TRAPPC9: variants seen among roughly 807,000 people sequenced by gnomAD.
The protein encoded by TRAPPC9 is trafficking protein particle complex subunit 9.
In TRAPPC9, 83 loss-of-function variants were observed where a neutral mutation model predicts 124.0. The observed-to-expected ratio is 0.67, with a 90% CI of 0.56 to 0.80. The LOEUF is 0.80. Among genes scored for constraint, TRAPPC9 ranks in the 30% least tolerant of loss-of-function variants. The probability of loss-of-function intolerance (pLI) is 0.00; values close to 1 mark genes in which losing one functional copy is unlikely to be tolerated. For missense variants in TRAPPC9, 1,302 were observed against 1,508.3 expected (o/e 0.86, Z 2.27); for synonymous variants, 638 against 617.5 (o/e 1.03, Z -0.49).
chr8:140,423,608 ACAT>A (rs1416373471), intron 5 of TRAPPC9, among the ~76,000 whole-genome samples: 8 of 151,596 alleles, frequency 5.3e-5, no homozygotes, highest in African/African-American at 1.9e-4. Flanking sequence ...ACACACACAC[ACAT>A]CACATATATA....
intron 4 of TRAPPC9, among the ~76,000 whole-genome samples, chr8:140,432,450 T>C (rs964757986): frequency 2.0e-5 from 3 of 152,206 alleles, no homozygotes; most frequent in Non-Finnish European, 4.4e-5. Context: ...CTCTCTTCAT[T>C]CTACAGGTAG....
At chr8:140,350,864 T>C (rs1329512194) in intron 9 of TRAPPC9, among the ~76,000 whole-genome samples, 1 of 151,940 alleles carries the variant, frequency 6.6e-6, no homozygotes, top group Admixed American at 6.6e-5. Flanking sequence ...CTGGGTTTTA[T>C]TACAGGAGCA....
At chr8:140,246,814 G>A (rs2063999253) in intron 16 of TRAPPC9, among the ~76,000 whole-genome samples, 1 of 152,076 alleles carries the variant, frequency 6.6e-6, no homozygotes, top group Admixed American at 6.5e-5. Flanking sequence ...GTGAAACCCC[G>A]TCTCTCCTAA....
intron 15 of TRAPPC9, among the ~76,000 whole-genome samples, chr8:140,260,384 A>C (rs1215642458): frequency 1.3e-5 from 2 of 152,216 alleles, no homozygotes; most frequent in Admixed American, 6.5e-5. Flanking sequence ...GAAGGACAAC[A>C]ATCAAATGGG....
Position 139,817,864 on chromosome 8 carries a change from C to T in TRAPPC9, c.3055+68015G>A, listed in dbSNP as rs149639223. ...ACAGAGCCATATACAACATGACCTG[C>T]ACTCTTGGGTCAGGGAGAGACTTGC... is the stretch of plus-strand genomic sequence containing the variant. On this transcript the variant is annotated intron_variant, in intron 21 of 22. Coordinates refer to ENST00000438773, the MANE Select transcript of TRAPPC9 (RefSeq NM_001160372.4). Among the ~76,000 whole-genome samples, 207 of 152,324 alleles carry T rather than the reference C, an allele frequency of 1.4e-3. 2 individuals are homozygous for T. The highest frequency in any genetic ancestry group is 4.6e-3 in the African/African-American group (192 of 41,578).
chr8:139,747,839 TG>T lies in TRAPPC9; in HGVS notation c.3056-15638del, dbSNP rs34894238. Among the ~76,000 whole-genome samples, 70 of 17,370 alleles carry T rather than the reference TG, an allele frequency of 4.0e-3. 1 individual carries two copies. Among genetic ancestry groups the T allele is most frequent in the Admixed American group, 6.3e-3 (7 of 1,112 alleles). 11.4% of individuals were successfully genotyped at this position (17,370 alleles called of 152,430 possible). On this transcript the variant is annotated intron_variant, in intron 21 of 22. Coordinates refer to ENST00000438773, the MANE Select transcript of TRAPPC9 (RefSeq NM_001160372.4). ...GGGGGTGTCCCGGGGTCAGAGCAGG[TG>T]GGGAGGTGTGCAGGGATCAGAGAAG...
At position 139,845,953 on chromosome 8, in the gene TRAPPC9, G is replaced by T. The variant is rs192463874; in HGVS notation, c.3055+39926C>A. 4.6e-3 allele frequency among the ~76,000 whole-genome samples: 694 copies of T among 152,356 alleles called. 7 individuals are homozygous for T. Among genetic ancestry groups the T allele is most frequent in the African/African-American group, 0.015 (625 of 41,580 alleles). The stretch of plus-strand genomic sequence containing the variant: ...GTCAGAGCGGTGGAGGAGACACTCT[G>T]AAGAGGGAGCAGGAAGGACCAGAGC... On this transcript the variant is annotated intron_variant, in intron 21 of 22. Transcript: ENST00000438773.
chr8:140,376,553 T>TAAAAA (rs34319639), intron 7 of TRAPPC9, among the ~76,000 whole-genome samples: 7 of 49,720 alleles, frequency 1.4e-4, no homozygotes, highest in African/African-American at 2.7e-4. Flanking sequence ...AGACTCCATC[T>TAAAAA]AAAAAAAAAA....
At chr8:140,275,596 T>G in intron 15 of TRAPPC9, 62 bp downstream of exon 15, 1 of 1,536,342 alleles carries the variant, frequency 6.5e-7, no homozygotes, top group Non-Finnish European at 9.0e-7. Context: ...GAATTTAAAG[T>G]ATCTCTTCTA....
intron 21 of TRAPPC9, among the ~76,000 whole-genome samples, chr8:139,782,056 G>A (rs980133141): frequency 1.3e-5 from 2 of 152,150 alleles, no homozygotes; most frequent in African/African-American, 2.4e-5. Flanking sequence ...TACTTTAAGT[G>A]TAAAAAAATA....
chr8:139,967,351 T>C (rs947613975), intron 19 of TRAPPC9, among the ~76,000 whole-genome samples: 6 of 152,140 alleles, frequency 3.9e-5, no homozygotes, highest in Non-Finnish European at 8.8e-5. Flanking sequence ...GAGAAACAAG[T>C]ATTTGTGCTG....
chr8:139,787,482 G>A (rs916949790), intron 21 of TRAPPC9, among the ~76,000 whole-genome samples: 3 of 152,092 alleles, frequency 2.0e-5, no homozygotes, highest in Admixed American at 6.5e-5. Context: ...AAGGGAAGGT[G>A]GGAACCGGGC....
chr8:140,103,725 C>G (rs2060619820), intron 17 of TRAPPC9, among the ~76,000 whole-genome samples: 1 of 152,220 alleles, frequency 6.6e-6, no homozygotes, highest in African/African-American at 2.4e-5. Context: ...ATGACGCTAT[C>G]TCAGCTGGTC....
At chr8:139,892,222 C>A (rs911177696) in intron 20 of TRAPPC9, among the ~76,000 whole-genome samples, 2 of 152,240 alleles carry the variant, frequency 1.3e-5, no homozygotes, top group African/African-American at 4.8e-5. Flanking sequence ...CTCTGGCCCC[C>A]ACCCCGGCAT....
chr8:140,202,369 T>C (rs1458218741), intron 17 of TRAPPC9, among the ~76,000 whole-genome samples: 1 of 152,088 alleles, frequency 6.6e-6, no homozygotes, highest in Non-Finnish European at 1.5e-5. Context: ...CTTCTCAACT[T>C]CTGCAGAAGC....
chr8:139,760,574 G>C (rs1472415388), intron 21 of TRAPPC9, among the ~76,000 whole-genome samples: 1 of 152,198 alleles, frequency 6.6e-6, no homozygotes, highest in African/African-American at 2.4e-5. Flanking sequence ...GTCCTTTTGT[G>C]AGAATCCTAC....
At chr8:140,105,148 T>C (rs1484598229) in intron 17 of TRAPPC9, among the ~76,000 whole-genome samples, 1 of 152,218 alleles carries the variant, frequency 6.6e-6, no homozygotes, top group African/African-American at 2.4e-5. Context: ...AAGTCCTAGG[T>C]TCCTGTTTCT....
Position 140,439,136 on chromosome 8 carries a change from C to G in TRAPPC9, c.646G>C (p.Ala216Pro). Residue 216 changes from alanine to proline, a missense_variant, in exon 3 of 23, where the codon GCA (alanine) becomes CCA (proline). Transcript: ENST00000438773. ...ACCAGGGAGTCCTGCAGCATCCCTG[C>G]CTGCAGGCACAGGTCCCCCACGTGC... ...RKHVGDLCLQ[A>P]GMLQDSLVHY... 1 of 1,614,126 alleles carries G rather than the reference C, an allele frequency of 6.2e-7. No homozygotes were observed. Among genetic ancestry groups the G allele is most frequent in the Non-Finnish European group, 8.5e-7 (1 of 1,179,950 alleles).
At chr8:140,134,093 TA>T (rs1206645478) in intron 17 of TRAPPC9, among the ~76,000 whole-genome samples, 1 of 151,766 alleles carries the variant, frequency 6.6e-6, no homozygotes, top group African/African-American at 2.4e-5. Context: ...GCAAAAACAA[TA>T]TTGAAAAAAA....
Sources: allele counts gnomAD v4.1 joint callset (sites outside exome capture counted in the v4.1 genomes callset), GRCh38; gene constraint gnomAD v4.1.1; transcripts MANE v1.5; gene names NCBI Gene and HGNC (gene_info 2026-07-23, HGNC 2026-07-21).